PARD3B: variants seen among roughly 807,000 people sequenced by gnomAD.
PARD3B encodes the protein par-3 family cell polarity regulator beta, also known as partitioning defective 3 homolog B.
PARD3B carries 103 observed loss-of-function variants against 130.2 expected under a neutral mutation model. The observed-to-expected ratio is 0.79, with a 90% confidence interval of 0.67 to 0.93. PARD3B has a LOEUF of 0.93. Ranked by LOEUF, PARD3B falls within the 40% of genes least tolerant of loss-of-function variation. The pLI, the probability that PARD3B is intolerant of heterozygous loss-of-function variation, is 0.00. For synonymous variants in PARD3B, 583 were observed against 553.2 expected (o/e 1.05, Z -0.76); for missense variants, 1,609 against 1,499.2 (o/e 1.07, Z -1.21).
intron 2 of PARD3B, among the ~76,000 whole-genome samples, chr2:204,816,361 A>G (rs183954992): frequency 6.6e-6 from 1 of 151,888 alleles, no homozygotes; most frequent in Admixed American, 6.6e-5. Context: ...CTTTGTGTAG[A>G]TACGTTTTTC....
At chr2:205,065,901 C>G (rs1700342430) in intron 4 of PARD3B, among the ~76,000 whole-genome samples, 1 of 152,118 alleles carries the variant, frequency 6.6e-6, no homozygotes, top group African/African-American at 2.4e-5. Context: ...CTCAGATACT[C>G]CATTATAGGA....
chr2:205,017,042 A>G (rs1195407259), intron 3 of PARD3B, among the ~76,000 whole-genome samples: 1 of 152,160 alleles, frequency 6.6e-6, no homozygotes, highest in African/African-American at 2.4e-5. Flanking sequence ...AGGTCTTTGA[A>G]AATAGTAGGA....
rs186922589 is a variant in PARD3B, at chr2:204,788,490, C to T, written c.222+102208C>T. ...TATTTTGAAGATATTATAAGCCACC[C>T]AGGTGCAGATGATCTTTTCTTATGT... On this transcript the variant is annotated intron_variant, in intron 2 of 22. Coordinates refer to ENST00000406610, the MANE Select transcript of PARD3B (RefSeq NM_001302769.2). Among the ~76,000 whole-genome samples, 549 of 152,332 alleles carry T rather than the reference C, an allele frequency of 3.6e-3. 2 individuals carry two copies. The highest frequency in any genetic ancestry group is 0.012 in the African/African-American group (501 of 41,568).
chr2:204,987,990 A>G (rs1157720706), intron 3 of PARD3B, among the ~76,000 whole-genome samples: 1 of 152,026 alleles, frequency 6.6e-6, no homozygotes, highest in Non-Finnish European at 1.5e-5. Context: ...GGAAAGAGGT[A>G]GTTAGATGAA....
rs982945913 is a variant in PARD3B, at chr2:204,943,174, A to G, written c.223-21978A>G. Among the ~76,000 whole-genome samples the G allele has an allele frequency of 6.6e-6, 1 of 151,990 alleles. No individual in the cohort carries two copies. The highest frequency in any genetic ancestry group is 1.5e-5 in the Non-Finnish European group (1 of 67,972). On this transcript the variant is annotated intron_variant, in intron 2 of 22. Transcript: ENST00000406610. The surrounding 1 kb of genome is among the most constrained non-coding windows in gnomAD (Gnocchi z 4.2). ...TGTGTATGTGTGTGTGTGTATGTGTATGCATATATATATATGTGTGTGTAT... is the reference window on the plus strand; with the variant it reads ...TGTGTATGTGTGTGTGTGTATGTGTGTGCATATATATATATGTGTGTGTAT...
chr2:205,009,809 A>G (rs1399945300), intron 3 of PARD3B, among the ~76,000 whole-genome samples: 1 of 152,198 alleles, frequency 6.6e-6, no homozygotes, highest in Non-Finnish European at 1.5e-5. Flanking sequence ...TATGACAAGT[A>G]CATATTATCT....
In PARD3B at chr2:205,288,552, T is replaced by C. The variant is rs1483668654; in HGVS notation, c.2186-11978T>C. 6.6e-6 allele frequency among the ~76,000 whole-genome samples: 1 copy of C among 152,220 alleles called. No individual in the cohort carries two copies. Among genetic ancestry groups the C allele is most frequent in the African/African-American group, 2.4e-5 (1 of 41,462 alleles). On this transcript the variant is annotated intron_variant, in intron 16 of 22. Coordinates refer to ENST00000406610, the MANE Select transcript of PARD3B (RefSeq NM_001302769.2). The surrounding 1 kb of genome is among the most constrained non-coding windows in gnomAD (Gnocchi z 4.0). ...GTAAAAAAACTTCATGGCTTTCTATTGTCCCCTAATTTGGGCCTTGCCTTC... is the reference window on the plus strand; with the variant it reads ...GTAAAAAAACTTCATGGCTTTCTATCGTCCCCTAATTTGGGCCTTGCCTTC...
chr2:205,512,869 G>A (rs941779325), intron 21 of PARD3B, among the ~76,000 whole-genome samples: 2 of 152,072 alleles, frequency 1.3e-5, no homozygotes, highest in Non-Finnish European at 2.9e-5. Flanking sequence ...AAACCATGTG[G>A]AGACACCTCC....
chr2:205,604,141 A>C (rs1436913144), intron 22 of PARD3B, among the ~76,000 whole-genome samples: 2 of 152,130 alleles, frequency 1.3e-5, no homozygotes, highest in African/African-American at 4.8e-5. Flanking sequence ...CCTGGGTTGG[A>C]AATTCTTTTC....
rs976764317 is a variant in PARD3B, at chr2:205,292,019, G to C, written c.2186-8511G>C. On this transcript the variant is annotated intron_variant, in intron 16 of 22. Coordinates refer to ENST00000406610, the MANE Select transcript of PARD3B (RefSeq NM_001302769.2). This position sits in a 1 kb window ranked among gnomAD's most constrained non-coding sequence, Gnocchi z 5.3. ...AAAGGAGGGGCTGCTGGTGCCCTCA[G>C]GACCTCAGTGCATGCTGCATAGGGC... is the stretch of plus-strand genomic sequence containing the variant. Among the ~76,000 whole-genome samples the C allele has an allele frequency of 3.9e-5, 6 of 152,200 alleles. No homozygotes were observed. The highest frequency in any genetic ancestry group is 7.2e-5 in the African/African-American group (3 of 41,466).
intron 3 of PARD3B, among the ~76,000 whole-genome samples, chr2:204,972,023 C>T (rs557649894): frequency 4.6e-5 from 7 of 151,764 alleles, no homozygotes; most frequent in Non-Finnish European, 7.4e-5. Flanking sequence ...AAGAATGTCA[C>T]GTTATTCATT....
chr2:205,188,225 A>G (rs112250712), intron 14 of PARD3B, among the ~76,000 whole-genome samples: 1 of 152,338 alleles, frequency 6.6e-6, no homozygotes. Flanking sequence ...AAAGCTCTCT[A>G]GACAGAGAAG....
At chr2:204,957,911 T>G (rs1010787268) in intron 2 of PARD3B, among the ~76,000 whole-genome samples, 2 of 151,988 alleles carry the variant, frequency 1.3e-5, no homozygotes, top group African/African-American at 4.8e-5. Context: ...GATACTGGGT[T>G]TTTTTTTGTC....
intron 22 of PARD3B, among the ~76,000 whole-genome samples, chr2:205,567,559 T>G (rs1259231548): frequency 6.7e-6 from 1 of 148,966 alleles, no homozygotes; most frequent in Admixed American, 6.8e-5. Flanking sequence ...CCTGACCTCA[T>G]GATCCACCCG....
Position 205,252,851 on chromosome 2 carries a change from ACC to A in PARD3B, c.2185+7030_2185+7031del, listed in dbSNP as rs1491298659. 7.9e-4 allele frequency among the ~76,000 whole-genome samples: 38 copies of A among 47,930 alleles called. No individual in the cohort carries two copies. The East Asian group carries it at 0.018, about 23-fold the overall frequency. The allele number at this position is 47,930 out of a possible 152,430, so 31.4% of individuals were successfully genotyped here. On this transcript the variant is annotated intron_variant, in intron 16 of 22. Transcript: ENST00000406610. ...GAACCTGAAGGGACCCCCCCCCCCCACCAAAAAAAAAAAAAAAGGAGAGAGAG... is the reference window on the plus strand; with the variant it reads ...GAACCTGAAGGGACCCCCCCCCCCCAAAAAAAAAAAAAAAAGGAGAGAGAG...
chr2:205,527,466 A>C (rs751930159), intron 21 of PARD3B, among the ~76,000 whole-genome samples: 1 of 152,172 alleles, frequency 6.6e-6, no homozygotes, highest in Non-Finnish European at 1.5e-5. Flanking sequence ...GAGGTTGATG[A>C]TAAATCACTA....
chr2:204,753,113 T>A (rs1013406866), intron 2 of PARD3B, among the ~76,000 whole-genome samples: 1 of 152,160 alleles, frequency 6.6e-6, no homozygotes, highest in Non-Finnish European at 1.5e-5. Flanking sequence ...AAAACACAGT[T>A]TTGTCAAAAC....
chr2:204,991,870 G>C (rs1693722078), intron 3 of PARD3B, among the ~76,000 whole-genome samples: 1 of 150,216 alleles, frequency 6.7e-6, no homozygotes, highest in Admixed American at 6.6e-5. Context: ...CTGCATAAAT[G>C]TCTTCTTTTG....
intron 18 of PARD3B, among the ~76,000 whole-genome samples, chr2:205,379,999 T>C (rs1348462241): frequency 1.4e-5 from 2 of 143,342 alleles, no homozygotes; most frequent in African/African-American, 5.2e-5. Flanking sequence ...ACCCAGAAGA[T>C]GGAGGTTGCA....
Sources: gnomAD v4.1 joint callset for allele counts (sites outside exome capture counted in the v4.1 genomes callset) on GRCh38, gnomAD v4.1.1 for gene constraint, Gnocchi (gnomAD v3.1) non-coding constraint, MANE v1.5 for transcripts, NCBI Gene and HGNC (gene_info 2026-07-23, HGNC 2026-07-21) for gene names.